The following TNK2 variants were observed in gnomAD, a reference collection of about 807,000 sequenced individuals.
The protein encoded by TNK2 is activated CDC42 kinase 1.
A neutral mutation model predicts 101.8 loss-of-function variants in TNK2; 83 were observed. The observed-to-expected ratio is 0.82, with a 90% CI of 0.68 to 0.98. The LOEUF is 0.98. Ranked by LOEUF, TNK2 falls within the 50% of genes least tolerant of loss-of-function variation. The pLI is 0.00. For synonymous variants in TNK2, 804 were observed against 633.0 expected, an observed-to-expected ratio of 1.27 and a Z score of -4.06; for missense variants, 1,665 against 1,483.2, an observed-to-expected ratio of 1.12 and a Z score of -2.01.
intron 11 of TNK2, chr3:195,869,877 A>G (rs889425476): frequency 1.9e-6 from 1 of 534,718 alleles, no homozygotes; most frequent in Admixed American, 3.3e-5. Context: ...GGGAGGAGGG[A>G]CGCCGGGGCG....
chr3:195,892,297 C>G, intron 1 of TNK2: 1 of 1,099,342 alleles, frequency 9.1e-7, no homozygotes, highest in Admixed American at 2.7e-5. Context: ...CCGTCAAGCC[C>G]TCACTGGCGG....
rs759644093 is a variant in TNK2, at chr3:195,885,583, C to T, written c.235-550G>A. On this transcript the variant is annotated intron_variant, in intron 3 of 15. Coordinates refer to ENST00000672887, the MANE Select transcript of TNK2 (RefSeq NM_001382273.1). This position sits in a 1 kb window ranked among gnomAD's most constrained non-coding sequence, Gnocchi z 4.7. Reference sequence around the variant, plus strand: ...GGATAATTTTAGTCTGAGGTTGAACCGTGAGTGTGTGTGTGGTTCAGATGA... The same window carrying T: ...GGATAATTTTAGTCTGAGGTTGAACTGTGAGTGTGTGTGTGGTTCAGATGA... 2.6e-5 allele frequency: 33 copies of T among 1,289,980 alleles called. No homozygotes were observed. Among genetic ancestry groups the T allele is most frequent in the African/African-American group, 3.0e-5 (2 of 65,954 alleles). The allele number at this position is 1,289,980 out of a possible 1,614,324, so 79.9% of individuals were successfully genotyped here.
rs116818829 is a variant in TNK2, at chr3:195,888,768, G to A, written c.-18-162C>T. 6.4e-3 allele frequency among the ~76,000 whole-genome samples: 976 copies of A among 151,960 alleles called. 11 individuals carry two copies. Among genetic ancestry groups the A allele is most frequent in the African/African-American group, 0.022 (924 of 41,408 alleles). On this transcript the variant is annotated intron_variant, in intron 1 of 15. Transcript: ENST00000672887. This position sits in a 1 kb window ranked among gnomAD's most constrained non-coding sequence, Gnocchi z 5.3. The stretch of plus-strand genomic sequence containing the variant: ...GCTACCGAGAACCGCCTGGACCCAC[G>A]TCCCCTATTCCTGCCAGCCACAGGG...
intron 9 of TNK2, among the ~76,000 whole-genome samples, chr3:195,877,574 T>G (rs1035627136): frequency 1.3e-5 from 2 of 152,134 alleles, no homozygotes; most frequent in Admixed American, 1.3e-4. Flanking sequence ...CAAAGGTACC[T>G]GAAACCTGCC....
chr3:195,895,323 C>T (rs748314071), intron 1 of TNK2: 40 of 1,577,374 alleles, frequency 2.5e-5, no homozygotes, highest in Non-Finnish European at 3.1e-5. Flanking sequence ...CCAGCGGCTG[C>T]GGTCAGGGAG....
chr3:195,892,624 C>A, intron 1 of TNK2: 2 of 1,438,794 alleles, frequency 1.4e-6, no homozygotes, highest in Non-Finnish European at 1.8e-6. Flanking sequence ...TGGGCCCCTC[C>A]GCTCTGCTGC....
chr3:195,864,577 C>T (rs1343767535), intron 15 of TNK2, among the ~76,000 whole-genome samples: 5 of 147,440 alleles, frequency 3.4e-5, no homozygotes, highest in African/African-American at 1.3e-4. Flanking sequence ...AGATGCAAAT[C>T]AGTAAGAACC....
At chr3:195,906,222 A>T (rs916794036) in intron 1 of TNK2, among the ~76,000 whole-genome samples, 4 of 152,230 alleles carry the variant, frequency 2.6e-5, no homozygotes, top group African/African-American at 7.2e-5. Flanking sequence ...TACACAGTGG[A>T]TGAGTATATA....
Position 195,864,053 on chromosome 3 carries a change from G to C in TNK2, c.*128C>G, listed in dbSNP as rs113201969. Reference sequence around the variant, plus strand: ...CCCAGCCTCCCGCAGCCTTGGCCTTGCTCCATCCCCGGGAGCAGCAGGAGC... The same window carrying C: ...CCCAGCCTCCCGCAGCCTTGGCCTTCCTCCATCCCCGGGAGCAGCAGGAGC... On this transcript the variant is annotated 3_prime_UTR_variant, in exon 16 of 16. Transcript: ENST00000672887. 2,025 of 1,332,820 alleles carry C rather than the reference G, an allele frequency of 1.5e-3. 25 individuals carry two copies. The African/African-American group carries it at 0.024, about 16-fold the overall frequency. 82.6% of individuals were successfully genotyped at this position (1,332,820 alleles called of 1,614,324 possible). A position where few individuals can be genotyped will look rare whatever the true frequency, so the allele number is the denominator to read the frequency against.
intron 1 of TNK2, among the ~76,000 whole-genome samples, chr3:195,899,538 G>C (rs1760993487): frequency 6.6e-6 from 1 of 152,136 alleles, no homozygotes; most frequent in South Asian, 2.1e-4. Flanking sequence ...CACCCTGTTG[G>C]CCAGGATGGT....
chr3:195,902,383 C>T (rs1302889032), intron 1 of TNK2, among the ~76,000 whole-genome samples: 4 of 152,062 alleles, frequency 2.6e-5, no homozygotes, highest in Non-Finnish European at 4.4e-5. Flanking sequence ...TGTGGGAGGC[C>T]GAGGTGGGCG....
At chr3:195,871,674 C>T (rs1166027516) in intron 10 of TNK2, among the ~76,000 whole-genome samples, 1 of 152,172 alleles carries the variant, frequency 6.6e-6, no homozygotes, top group Non-Finnish European at 1.5e-5. Flanking sequence ...GACCTTTCCA[C>T]CAAACAGGAG....
Position 195,888,623 on chromosome 3 carries a change from G to C in TNK2, c.-18-17C>G. On this transcript the variant is annotated splice_polypyrimidine_tract_variant and intron_variant, in intron 1 of 15. Transcript: ENST00000672887. The surrounding 1 kb of genome is among the most constrained non-coding windows in gnomAD (Gnocchi z 5.3). ...TCCCAGCCTCTGTGGGGGGAGGAGT[G>C]GCTCAGGGACAAGGGTTGTGGGGGG... 6.3e-7 allele frequency: 1 copy of C among 1,599,518 alleles called. No homozygotes were observed. The highest frequency in any genetic ancestry group is 8.5e-7 in the Non-Finnish European group (1 of 1,173,550).
chr3:195,901,504 G>A (rs1387017487), intron 1 of TNK2, among the ~76,000 whole-genome samples: 1 of 151,570 alleles, frequency 6.6e-6, no homozygotes, highest in Non-Finnish European at 1.5e-5. Flanking sequence ...CCAGCTGGGG[G>A]GCCCAGGAGG....
chr3:195,869,573 G>A, intron 11 of TNK2, 32 bp from the exon 12 acceptor site: 2 of 1,550,482 alleles, frequency 1.3e-6, no homozygotes, highest in Non-Finnish European at 1.7e-6. Flanking sequence ...CAGGGGGAGA[G>A]AGACGGAGCA....
chr3:195,864,786 C>A (rs1451153510), intron 15 of TNK2, among the ~76,000 whole-genome samples: 1 of 144,202 alleles, frequency 6.9e-6, no homozygotes, highest in Non-Finnish European at 1.5e-5. Context: ...AAGAACCACC[C>A]GAGACAGTGA....
Position 195,868,183 on chromosome 3 carries a change from C to T in TNK2, c.2115G>A (p.Pro705=), listed in dbSNP as rs7516. The change falls in exon 13 of 16, where the codon CCG becomes CCA. Residue 705 remains proline (P), a synonymous_variant. Transcript: ENST00000672887. ...PPPLEDNLFL[P]PQGGGKPPSS... Reference sequence around the variant, plus strand: ...TGGGCGGCTTGCCCCCACCCTGGGGCGGGAGGAACAGGTTGTCCTCCAGGG... The same window carrying T: ...TGGGCGGCTTGCCCCCACCCTGGGGTGGGAGGAACAGGTTGTCCTCCAGGG... The T allele has an allele frequency of 0.12, 188,260 of 1,608,866 alleles. 11,645 individuals are homozygous for T. The highest frequency in any genetic ancestry group is 0.13 in the Non-Finnish European group (147,362 of 1,178,348).
At chr3:195,898,825 T>G (rs1760917233) in intron 1 of TNK2, among the ~76,000 whole-genome samples, 1 of 152,202 alleles carries the variant, frequency 6.6e-6, no homozygotes, top group African/African-American at 2.4e-5. Flanking sequence ...CTGGGCCCGG[T>G]GGCTCACGTC....
At position 195,867,596 on chromosome 3, in the gene TNK2, G is replaced by T. The variant is rs1419871487; in HGVS notation, c.2702C>A (p.Thr901Asn). ...CAGCAGCAGAGGCACAGGCAGGGGG[G>T]TAGGCTCCTCGGGGCTCTGGGCCTC... ...LREAQSPEEP[T>N]PLPVPLLLPP... Residue 901 changes from threonine to asparagine, a missense_variant, in exon 13 of 16, where the codon ACC becomes AAC. Around this residue, in one of 3 missense-constraint regions of TNK2, gnomAD observed 1,136 missense variants for 894.9 expected, o/e 1.27. Transcript: ENST00000672887. 2 of 1,593,464 alleles carry T rather than the reference G, an allele frequency of 1.3e-6. No individual in the cohort carries two copies. Among genetic ancestry groups the T allele is most frequent in the Non-Finnish European group, 1.7e-6 (2 of 1,177,608 alleles).
Sources: allele counts gnomAD v4.1 joint callset (sites outside exome capture counted in the v4.1 genomes callset), GRCh38; gene constraint gnomAD v4.1.1; regional missense constraint gnomAD v4.1.1; non-coding constraint Gnocchi (gnomAD v3.1); transcripts MANE v1.5; gene names NCBI Gene and HGNC (gene_info 2026-07-23, HGNC 2026-07-21).